NUP88: variants seen among roughly 807,000 people sequenced by gnomAD.
NUP88 encodes nucleoporin 88, also known as nuclear pore complex protein Nup88.
In NUP88, 57 loss-of-function variants were observed where a neutral mutation model predicts 93.9. The observed-to-expected ratio is 0.61, with a 90% confidence interval of 0.49 to 0.76. NUP88 has a LOEUF of 0.76. Among genes scored for constraint, NUP88 ranks in the 30% least tolerant of loss-of-function variants. NUP88 has a pLI of 0.00. For synonymous variants in NUP88, 346 were observed against 336.8 expected (o/e 1.03, Z -0.30); for missense variants, 911 against 901.0 (o/e 1.01, Z -0.14).
At chr17:5,417,387 G>A (rs12386068) in intron 1 of NUP88, among the ~76,000 whole-genome samples, 1 of 152,080 alleles carries the variant, frequency 6.6e-6, no homozygotes. Context: ...AGGATCACTC[G>A]ACCCCTGACA....
intron 1 of NUP88, among the ~76,000 whole-genome samples, chr17:5,417,330 G>A (rs1315934644): frequency 6.6e-6 from 1 of 152,136 alleles, no homozygotes. Flanking sequence ...AGCCAGGCGT[G>A]GTGGCACATG....
In NUP88 at chr17:5,408,726, A is replaced by T. The variant is rs201694832; in HGVS notation, c.857+7T>A. ...TTCATTTCAGGTGGGTGACCACCTC[A>T]ACTTACCTGTGTAACAGACTGATGT... On this transcript the variant is annotated splice_region_variant and intron_variant, in intron 5 of 16. Transcript: ENST00000573584. 491 of 1,584,998 alleles carry T rather than the reference A, an allele frequency of 3.1e-4. No individual in the cohort carries two copies. The highest frequency in any genetic ancestry group is 4.0e-4 in the Non-Finnish European group (465 of 1,167,422).
Position 5,386,149 on chromosome 17 carries a change from T to G in NUP88, c.*57A>C. ...TTAGATAATTCTACCTGTTTTACAATATGGGTTTAAGCCTTCAATGGTGTT... is the reference window on the plus strand; with the variant it reads ...TTAGATAATTCTACCTGTTTTACAAGATGGGTTTAAGCCTTCAATGGTGTT... On this transcript the variant is annotated 3_prime_UTR_variant, in exon 17 of 17. Coordinates refer to ENST00000573584, the MANE Select transcript of NUP88 (RefSeq NM_002532.6). The G allele has an allele frequency of 3.1e-6, 4 of 1,289,962 alleles. No homozygotes were observed. The highest frequency in any genetic ancestry group is 2.4e-5 in the East Asian group (1 of 41,252). The allele number at this position is 1,289,962 out of a possible 1,614,324, so 79.9% of individuals were successfully genotyped here. A position where few individuals can be genotyped will look rare whatever the true frequency, so the allele number is the denominator to read the frequency against.
At chr17:5,386,554 T>G in intron 16 of NUP88, 154 bp downstream of exon 16, 1 of 687,204 alleles carries the variant, frequency 1.5e-6, no homozygotes, top group Non-Finnish European at 2.6e-6. Flanking sequence ...CCATAGTCAT[T>G]TCTTAAGTCC....
intron 10 of NUP88, among the ~76,000 whole-genome samples, chr17:5,389,801 A>G (rs1010200341): frequency 1.4e-5 from 2 of 145,412 alleles, no homozygotes; most frequent in Non-Finnish European, 3.0e-5. Context: ...AAAAAGTGAA[A>G]GTTCATGAAA....
chr17:5,413,986 C>T, intron 3 of NUP88, 23 bp downstream of exon 3: 1 of 1,611,174 alleles, frequency 6.2e-7, no homozygotes, highest in Non-Finnish European at 8.5e-7. Context: ...CGCAAGGCTT[C>T]AAGAGAGAGA....
intron 14 of NUP88, 23 bp downstream of exon 14, chr17:5,387,363 T>C: frequency 6.3e-7 from 1 of 1,596,678 alleles, no homozygotes; most frequent in South Asian, 1.1e-5. Flanking sequence ...ACTAGGTAAC[T>C]AAATGTTATA....
intron 9 of NUP88, 53 bp from the exon 10 acceptor site, chr17:5,391,715 A>G: frequency 1.4e-6 from 2 of 1,461,116 alleles, no homozygotes; most frequent in South Asian, 2.3e-5. Flanking sequence ...CAATGGAACC[A>G]AGAGCAAAGA....
chr17:5,407,807 C>T (rs1913584854), intron 5 of NUP88, among the ~76,000 whole-genome samples: 1 of 152,102 alleles, frequency 6.6e-6, no homozygotes, highest in Non-Finnish European at 1.5e-5. Context: ...TTTATCCTTC[C>T]TTTGTTGTTA....
At position 5,416,167 on chromosome 17, in the gene NUP88, G is replaced by GTA. The variant is rs377002927; in HGVS notation, c.467+344_467+345dup. On this transcript the variant is annotated intron_variant, in intron 2 of 16. Transcript: ENST00000573584. The stretch of plus-strand genomic sequence containing the variant: ...CTCAAAAAAAAAAAAAAAAAAAAAA[G>GTA]TATATATATATATACACACATACAC... Among the ~76,000 whole-genome samples the GTA allele has an allele frequency of 1.0e-3, 50 of 47,836 alleles. 1 individual carries two copies. The East Asian group carries it at 0.011, about 11-fold the overall frequency. 31.4% of individuals were successfully genotyped at this position (47,836 alleles called of 152,430 possible).
intron 7 of NUP88, among the ~76,000 whole-genome samples, chr17:5,401,031 CTAT>C (rs967444714): frequency 1.5e-4 from 23 of 152,034 alleles, no homozygotes; most frequent in African/African-American, 5.6e-4. Context: ...TACTGAATAC[CTAT>C]TATTATGTAT....
Position 5,385,507 on chromosome 17 carries a change from A to C in NUP88, c.*699T>G. On this transcript the variant is annotated 3_prime_UTR_variant, in exon 17 of 17. Coordinates refer to ENST00000573584, the MANE Select transcript of NUP88 (RefSeq NM_002532.6). ...CAGAACTCACATTGGCAAGTGTAAA[A>C]AGATGACTTAAGGTGAAGTGAGGAC... is the stretch of plus-strand genomic sequence containing the variant. 4.3e-6 allele frequency: 1 copy of C among 230,842 alleles called. No homozygotes were observed. Among genetic ancestry groups the C allele is most frequent in the Non-Finnish European group, 8.6e-6 (1 of 116,568 alleles). 14.3% of individuals were successfully genotyped at this position (230,842 alleles called of 1,614,324 possible). A position where few individuals can be genotyped will look rare whatever the true frequency, so the allele number is the denominator to read the frequency against.
intron 3 of NUP88, 99 bp downstream of exon 3, chr17:5,413,910 A>C: frequency 7.6e-7 from 1 of 1,314,052 alleles, no homozygotes; most frequent in South Asian, 1.3e-5. Context: ...GCACTGACTC[A>C]TTCAATGACT....
At chr17:5,397,049 A>C (rs1401271040) in intron 8 of NUP88, among the ~76,000 whole-genome samples, 1 of 152,032 alleles carries the variant, frequency 6.6e-6, no homozygotes, top group Non-Finnish European at 1.5e-5. Flanking sequence ...AAAAGATTTA[A>C]ATTTTGATGG....
At chr17:5,409,000 A>G (rs1174895030) in intron 4 of NUP88, 91 bp from the exon 5 acceptor site, 1 of 1,095,530 alleles carries the variant, frequency 9.1e-7, no homozygotes, top group African/African-American at 1.6e-5. Flanking sequence ...CAAAATGTCT[A>G]ATAACAGGAG....
intron 1 of NUP88, among the ~76,000 whole-genome samples, 154 bp downstream of exon 1, chr17:5,419,200 G>T (rs189029428): frequency 1.6e-3 from 239 of 152,330 alleles, no homozygotes; most frequent in African/African-American, 5.4e-3. Context: ...TAAGCATCGA[G>T]AGAGCCTGAG....
chr17:5,405,197 C>T lies in NUP88; in HGVS notation c.904G>A (p.Ala302Thr). Residue 302 changes from alanine (A) to threonine (T), a missense_variant, in exon 6 of 17, where the codon GCG becomes ACG. Transcript: ENST00000573584. Reference protein sequence around the residue: ...KLLGPLPMHPAAEDNYGYDAC... With the variant: ...KLLGPLPMHPTAEDNYGYDAC... ...TCATAACCATAGTTATCTTCAGCCGCAGGATGCATGGGCAATGGACCCAAC... is the reference window on the plus strand; with the variant it reads ...TCATAACCATAGTTATCTTCAGCCGTAGGATGCATGGGCAATGGACCCAAC... 6.2e-7 allele frequency: 1 copy of T among 1,614,106 alleles called. No individual in the cohort carries two copies. The highest frequency in any genetic ancestry group is 2.2e-5 in the East Asian group (1 of 44,874).
intron 10 of NUP88, among the ~76,000 whole-genome samples, chr17:5,389,348 C>T (rs747814678): frequency 2.8e-4 from 42 of 152,294 alleles, no homozygotes; most frequent in Admixed American, 4.6e-4. Context: ...GCTGTATATA[C>T]CATATTGGTT....
chr17:5,413,450 G>A (rs986116179), intron 3 of NUP88, among the ~76,000 whole-genome samples: 1 of 152,186 alleles, frequency 6.6e-6, no homozygotes, highest in Non-Finnish European at 1.5e-5. Flanking sequence ...TACCTCTGCT[G>A]AGTCCCCCCA....
Sources: gnomAD v4.1 joint callset for allele counts (sites outside exome capture counted in the v4.1 genomes callset) on GRCh38, gnomAD v4.1.1 for gene constraint, MANE v1.5 for transcripts, NCBI Gene and HGNC (gene_info 2026-07-23, HGNC 2026-07-21) for gene names.